TENM4: variants seen among roughly 807,000 people sequenced by gnomAD.
The protein encoded by TENM4 is teneurin-4.
Under a neutral mutation model 243.3 loss-of-function variants are expected in TENM4, and 82 were observed. The observed-to-expected ratio is 0.34, with a 90% CI of 0.28 to 0.40. The LOEUF (loss-of-function observed/expected upper bound fraction) is 0.40. Among genes scored for constraint, TENM4 ranks in the 10% least tolerant of loss-of-function variants. The probability of loss-of-function intolerance (pLI) is 1.00; values close to 1 mark genes in which losing one functional copy is unlikely to be tolerated. For synonymous variants in TENM4, 1,412 were observed against 1,456.3 expected, an observed-to-expected ratio of 0.97 and a Z score of 0.69; for missense variants, 3,138 against 3,673.3, an observed-to-expected ratio of 0.85 and a Z score of 3.77.
At chr11:78,884,843 C>A (rs1320802582) in intron 9 of TENM4, among the ~76,000 whole-genome samples, 1 of 152,204 alleles carries the variant, frequency 6.6e-6, no homozygotes, top group African/African-American at 2.4e-5. Flanking sequence ...ATTTACCATG[C>A]AACAGTGGGC....
At chr11:78,996,465 A>G (rs1217229651) in intron 6 of TENM4, among the ~76,000 whole-genome samples, 1 of 152,228 alleles carries the variant, frequency 6.6e-6, no homozygotes, top group Non-Finnish European at 1.5e-5. Context: ...GCCTCATAAG[A>G]GACCCTGAGC....
chr11:79,288,803 C>CT (rs1020174668), intron 2 of TENM4, among the ~76,000 whole-genome samples: 1 of 151,636 alleles, frequency 6.6e-6, no homozygotes, highest in Non-Finnish European at 1.5e-5. Flanking sequence ...AAATATAAAA[C>CT]TAGGGGGAAG....
At chr11:79,079,831 CA>C (rs34296723) in intron 4 of TENM4, among the ~76,000 whole-genome samples, 302 of 114,616 alleles carry the variant, frequency 2.6e-3, no homozygotes, top group East Asian at 2.6e-3. Flanking sequence ...CACTTTGTTT[CA>C]AAAAAAAAAA....
chr11:79,003,544 C>G (rs1480667378), intron 6 of TENM4, among the ~76,000 whole-genome samples: 1 of 152,120 alleles, frequency 6.6e-6, no homozygotes, highest in East Asian at 1.9e-4. Flanking sequence ...CATATCCAGC[C>G]AAACTAAGCT....
chr11:78,690,762 G>T (rs1469934969), intron 28 of TENM4, among the ~76,000 whole-genome samples: 2 of 152,178 alleles, frequency 1.3e-5, no homozygotes, highest in African/African-American at 4.8e-5. Context: ...GGTCCGGTCA[G>T]ATCCTGAGTC....
intron 1 of TENM4, among the ~76,000 whole-genome samples, chr11:79,344,793 T>A (rs771863657): frequency 2.0e-5 from 3 of 152,204 alleles, no homozygotes; most frequent in Non-Finnish European, 4.4e-5. Context: ...TCTACCTAAA[T>A]TGCCAAGACA....
chr11:79,102,643 C>A (rs756763537), intron 4 of TENM4, among the ~76,000 whole-genome samples: 1 of 152,200 alleles, frequency 6.6e-6, no homozygotes, highest in Non-Finnish European at 1.5e-5. Flanking sequence ...ATGGTCATTG[C>A]TATCGCTTTT....
At chr11:79,279,510 C>T (rs1436054796) in intron 2 of TENM4, among the ~76,000 whole-genome samples, 1 of 152,164 alleles carries the variant, frequency 6.6e-6, no homozygotes, top group Non-Finnish European at 1.5e-5. Flanking sequence ...CTATTGCAGG[C>T]CAACCTTACT....
chr11:78,665,949 C>T (rs1858147033), intron 32 of TENM4, among the ~76,000 whole-genome samples: 2 of 152,178 alleles, frequency 1.3e-5, no homozygotes, highest in South Asian at 4.1e-4. Context: ...TGCATTCTTT[C>T]CCTCTAGCCA....
At chr11:78,696,381 G>A (rs1209228150) in intron 28 of TENM4, among the ~76,000 whole-genome samples, 1 of 152,054 alleles carries the variant, frequency 6.6e-6, no homozygotes, top group Non-Finnish European at 1.5e-5. Context: ...ACCTGAACGT[G>A]ATTCTGATGA....
intron 3 of TENM4, among the ~76,000 whole-genome samples, chr11:79,209,860 C>A (rs1227929171): frequency 6.6e-6 from 1 of 152,170 alleles, no homozygotes; most frequent in Admixed American, 6.5e-5. Flanking sequence ...TCCAGCTTTA[C>A]CAGGTATCAG....
chr11:79,230,446 C>G (rs1864353298), intron 2 of TENM4, among the ~76,000 whole-genome samples: 1 of 152,108 alleles, frequency 6.6e-6, no homozygotes, highest in Admixed American at 6.5e-5. Context: ...AAGAACCGTC[C>G]CCAATAACTA....
At chr11:79,339,393 T>A (rs149745213) in intron 1 of TENM4, among the ~76,000 whole-genome samples, 2 of 152,228 alleles carry the variant, frequency 1.3e-5, no homozygotes, top group African/African-American at 2.4e-5. Context: ...AAGTGCTGTG[T>A]CTTTGAAAAG....
intron 12 of TENM4, among the ~76,000 whole-genome samples, chr11:78,852,601 C>T (rs566574006): frequency 4.3e-4 from 66 of 152,020 alleles, no homozygotes; most frequent in Non-Finnish European, 5.4e-4. Context: ...GAGGATCACC[C>T]GAGCCCAGGA....
intron 6 of TENM4, among the ~76,000 whole-genome samples, chr11:79,024,941 A>T (rs909995530): frequency 6.6e-6 from 1 of 152,214 alleles, no homozygotes; most frequent in Non-Finnish European, 1.5e-5. Context: ...AGAGAGACCA[A>T]TTCCTCCCTC....
At chr11:79,284,501 C>A (rs1027141567) in intron 2 of TENM4, among the ~76,000 whole-genome samples, 2 of 152,114 alleles carry the variant, frequency 1.3e-5, no homozygotes, top group African/African-American at 2.4e-5. Flanking sequence ...TATCCACATG[C>A]GAAAGAATGA....
rs1450747624 is a variant in TENM4, at chr11:78,954,654, TTATGGCAAGTCATACACTTGCCA to T, written c.494-51154_494-51132del. ...ATTTATTTTTACAGTTACCTTCTAT[TTATGGCAAGTCATACACTTGCCA>T]TATGGCAAGTGGAATGCAGCAGTAA... is the stretch of plus-strand genomic sequence containing the variant. On this transcript the variant is annotated intron_variant, in intron 6 of 33. Coordinates refer to ENST00000278550, the MANE Select transcript of TENM4 (RefSeq NM_001098816.3). Among the ~76,000 whole-genome samples, 7 of 152,302 alleles carry T rather than the reference TTATGGCAAGTCATACACTTGCCA, an allele frequency of 4.6e-5. No homozygotes were observed. The South Asian group carries it at 1.0e-3, about 23-fold the overall frequency.
chr11:79,433,910 C>T (rs925864696), intron 1 of TENM4, among the ~76,000 whole-genome samples: 1 of 152,236 alleles, frequency 6.6e-6, no homozygotes, highest in African/African-American at 2.4e-5. Flanking sequence ...AGCGGGCTCC[C>T]TCTGTGGTGA....
At chr11:78,799,553 C>T (rs772756934) in intron 15 of TENM4, among the ~76,000 whole-genome samples, 46 of 152,248 alleles carry the variant, frequency 3.0e-4, no homozygotes, top group Non-Finnish European at 4.6e-4. Context: ...CCACCATATA[C>T]ATGTGAAATC....
Sources: gnomAD v4.1 joint callset for allele counts (sites outside exome capture counted in the v4.1 genomes callset) on GRCh38, gnomAD v4.1.1 for gene constraint, MANE v1.5 for transcripts, NCBI Gene and HGNC (gene_info 2026-07-23, HGNC 2026-07-21) for gene names.